The following MYLK variants were observed in gnomAD, a reference collection of about 807,000 sequenced individuals.
MYLK encodes the protein myosin light chain kinase, smooth muscle.
A neutral mutation model predicts 203.4 loss-of-function variants in MYLK; 106 were observed. The ratio of observed to expected loss-of-function variants is 0.52; its 90% CI spans 0.45 to 0.61. The LOEUF (loss-of-function observed/expected upper bound fraction) is 0.61. Ranked by LOEUF, MYLK falls within the 20% of genes least tolerant of loss-of-function variation. The pLI, the probability that MYLK is intolerant of heterozygous loss-of-function variation, is 0.00. For synonymous variants in MYLK, 867 were observed against 959.5 expected (o/e 0.90, Z 1.78); for missense variants, 2,072 against 2,442.3 (o/e 0.85, Z 3.20).
intron 4 of MYLK, among the ~76,000 whole-genome samples, chr3:123,757,620 G>C (rs2063398353): frequency 6.6e-6 from 1 of 152,218 alleles, no homozygotes; most frequent in Non-Finnish European, 1.5e-5. Context: ...GATGCACCAA[G>C]AAGATATGAG....
Position 123,738,910 on chromosome 3 carries a change from A to G in MYLK, c.575T>C (p.Val192Ala), listed in dbSNP as rs1305192330. ...CAGAAACCTCACCTTGAGCCAGGTGACCTGCGGTTGGGGCCGGCCAGTGAT... is the reference window on the plus strand; with the variant it reads ...CAGAAACCTCACCTTGAGCCAGGTGGCCTGCGGTTGGGGCCGGCCAGTGAT... ...CKITGRPQPQ[V>A]TWLKGNVPLQ... Residue 192 changes from valine (V) to alanine (A), a missense_variant, in exon 7 of 34, where the codon GTC (valine) becomes GCC (alanine). By Grantham distance (64) the Val-to-Ala change is moderately conservative. Around this residue, in one of 3 missense-constraint regions of MYLK, gnomAD observed 683 missense variants for 643.8 expected, o/e 1.06. Transcript: ENST00000360304. The G allele has an allele frequency of 1.9e-6, 3 of 1,610,978 alleles. No homozygotes were observed. Among genetic ancestry groups the G allele is most frequent in the Non-Finnish European group, 2.5e-6 (3 of 1,178,568 alleles).
intron 9 of MYLK, chr3:123,734,670 C>T (rs1191315411): frequency 1.3e-5 from 2 of 158,134 alleles, no homozygotes; most frequent in Non-Finnish European, 2.8e-5. Flanking sequence ...ACAAGAGGGC[C>T]CACAGGAATG....
intron 5 of MYLK, among the ~76,000 whole-genome samples, chr3:123,742,617 T>C (rs1051296169): frequency 9.2e-5 from 14 of 152,172 alleles, no homozygotes; most frequent in African/African-American, 3.1e-4. Context: ...AACAGCATTA[T>C]CCAGTCTCTA....
At chr3:123,738,870 C>G in intron 7 of MYLK, 27 bp downstream of exon 7, 1 of 1,597,314 alleles carries the variant, frequency 6.3e-7, no homozygotes, top group Non-Finnish European at 8.5e-7. Flanking sequence ...CAGGCTGGAT[C>G]AGGGTCAGGG....
Position 123,752,379 on chromosome 3 carries a change from T to C in MYLK, c.325A>G (p.Thr109Ala). ...EDRGKYTCEA[T>A]NGSGARQVTV... is the part of the protein sequence containing the mutation. ...ACCTGGCGAGCACCACTGCCATTGG[T>C]GGCTTCACAGGTATACTTTCCCCTG... Residue 109 changes from threonine (T) to alanine (A), a missense_variant, in exon 5 of 34, where the codon ACC (threonine) becomes GCC (alanine). By Grantham distance (58) the Thr-to-Ala change is moderately conservative. Coordinates refer to ENST00000360304, the MANE Select transcript of MYLK (RefSeq NM_053025.4). 1.2e-6 allele frequency: 2 copies of C among 1,614,178 alleles called. No individual in the cohort carries two copies.
chr3:123,735,074 G>GA, intron 9 of MYLK: 1 of 390,494 alleles, frequency 2.6e-6, no homozygotes, highest in Non-Finnish European at 4.9e-6. Context: ...TGAGTGAACA[G>GA]ATTCCGCCCT....
intron 2 of MYLK, among the ~76,000 whole-genome samples, chr3:123,871,395 T>C (rs1216723129): frequency 6.6e-6 from 1 of 152,146 alleles, no homozygotes; most frequent in East Asian, 1.9e-4. Context: ...ACCTGGTTCT[T>C]TGAAAGAACC....
In MYLK at chr3:123,612,054, A is replaced by C. The variant is rs1309957505; in HGVS notation, c.*2051T>G. The C allele has an allele frequency of 6.6e-6, 1 of 152,458 alleles. No individual in the cohort carries two copies. The highest frequency in any genetic ancestry group is 1.5e-5 in the Non-Finnish European group (1 of 68,086). 9.4% of individuals were successfully genotyped at this position (152,458 alleles called of 1,614,324 possible). On this transcript the variant is annotated 3_prime_UTR_variant, in exon 34 of 34. Coordinates refer to ENST00000360304, the MANE Select transcript of MYLK (RefSeq NM_053025.4). ...GGGTTGGGGACACCTGCTCTATAAG[A>C]TATCCTTCTAGAATGATTGATATAG...
intron 5 of MYLK, among the ~76,000 whole-genome samples, chr3:123,745,940 CT>C (rs1213821194): frequency 1.3e-4 from 20 of 152,226 alleles, no homozygotes; most frequent in African/African-American, 4.6e-4. Flanking sequence ...TCACTGCAAC[CT>C]CCTCATGTCA....
chr3:123,618,458 TG>T, intron 33 of MYLK, 180 bp downstream of exon 33: 2 of 687,502 alleles, frequency 2.9e-6, no homozygotes, highest in Non-Finnish European at 5.0e-6. Flanking sequence ...CTTCAGGAGG[TG>T]GGAGTGCAGG....
chr3:123,632,610 C>A (rs915842154), intron 29 of MYLK, among the ~76,000 whole-genome samples: 1 of 152,114 alleles, frequency 6.6e-6, no homozygotes, highest in Admixed American at 6.5e-5. Flanking sequence ...TGCCCAAGTT[C>A]CCCCAGCATT....
chr3:123,741,097 G>A (rs2062842070), intron 5 of MYLK, among the ~76,000 whole-genome samples: 3 of 152,184 alleles, frequency 2.0e-5, no homozygotes, highest in African/African-American at 7.2e-5. Context: ...TCCCAGGGAG[G>A]GTAGAGTCAT....
At chr3:123,737,297 G>C in intron 8 of MYLK, 81 bp downstream of exon 8, 1 of 1,571,538 alleles carries the variant, frequency 6.4e-7, no homozygotes, top group African/African-American at 1.3e-5. Flanking sequence ...ACACACAGGT[G>C]CGCAGTGAAC....
At chr3:123,860,312 A>C (rs1054169650) in intron 2 of MYLK, among the ~76,000 whole-genome samples, 1 of 152,196 alleles carries the variant, frequency 6.6e-6, no homozygotes, top group African/African-American at 2.4e-5. Flanking sequence ...CCTGTGTACA[A>C]GGCCTGCGTT....
chr3:123,734,339 C>A, intron 9 of MYLK, 117 bp from the exon 10 acceptor site: 1 of 1,108,594 alleles, frequency 9.0e-7, no homozygotes, highest in East Asian at 2.6e-5. Context: ...TCACAAAAGC[C>A]CACAAGTTAA....
intron 29 of MYLK, among the ~76,000 whole-genome samples, chr3:123,631,948 C>A (rs2058445118): frequency 6.6e-6 from 1 of 151,482 alleles, no homozygotes; most frequent in Non-Finnish European, 1.5e-5. Flanking sequence ...CTGCTCACTG[C>A]AAGCTCTGCC....
Position 123,613,466 on chromosome 3 carries a change from C to T in MYLK, c.*639G>A, listed in dbSNP as rs1398305072. ...TTTTCCTAAGGAAGCCAGAGTCATC[C>T]ATGAGCAGGGACCTGTCTTCAGAAT... On this transcript the variant is annotated 3_prime_UTR_variant, in exon 34 of 34. Coordinates refer to ENST00000360304, the MANE Select transcript of MYLK (RefSeq NM_053025.4). The T allele has an allele frequency of 6.5e-6, 1 of 152,974 alleles. No homozygotes were observed. The highest frequency in any genetic ancestry group is 1.5e-5 in the Non-Finnish European group (1 of 68,328). The allele number at this position is 152,974 out of a possible 1,614,324, so 9.5% of individuals were successfully genotyped here.
chr3:123,822,420 T>C (rs1328099998), intron 3 of MYLK, among the ~76,000 whole-genome samples: 2 of 152,194 alleles, frequency 1.3e-5, no homozygotes, highest in Admixed American at 6.5e-5. Context: ...ATCTGGATTA[T>C]CCAGTCTTTG....
intron 11 of MYLK, among the ~76,000 whole-genome samples, chr3:123,731,359 T>C (rs1288567498): frequency 6.6e-6 from 1 of 152,252 alleles, no homozygotes; most frequent in Non-Finnish European, 1.5e-5. Flanking sequence ...AGAGGGACTT[T>C]TGTGCTCTTC....
Sources: allele counts gnomAD v4.1 joint callset (sites outside exome capture counted in the v4.1 genomes callset), GRCh38; gene constraint gnomAD v4.1.1; regional missense constraint gnomAD v4.1.1; transcripts MANE v1.5; gene names NCBI Gene and HGNC (gene_info 2026-07-23, HGNC 2026-07-21).